The following CDH13 variants were observed in gnomAD, a reference collection of about 807,000 sequenced individuals.
CDH13 encodes cadherin 13, also known as cadherin-13.
In CDH13, 24 loss-of-function variants were observed where a neutral mutation model predicts 63.8. The observed-to-expected ratio is 0.38, with a 90% CI of 0.27 to 0.53. CDH13 has a LOEUF of 0.53. Ranked by LOEUF, CDH13 falls within the 20% of genes least tolerant of loss-of-function variation. The probability of loss-of-function intolerance (pLI) is 0.85; values close to 1 mark genes in which losing one functional copy is unlikely to be tolerated. For missense variants in CDH13, 1,049 were observed against 903.1 expected (o/e 1.16, Z -2.07); for synonymous variants, 503 against 355.3 (o/e 1.42, Z -4.67).
intron 7 of CDH13, among the ~76,000 whole-genome samples, chr16:83,561,071 A>T (rs556129476): frequency 6.6e-6 from 1 of 152,106 alleles, no homozygotes; most frequent in Non-Finnish European, 1.5e-5. Flanking sequence ...GTGACTCCCA[A>T]ACCAATAAAC....
intron 2 of CDH13, among the ~76,000 whole-genome samples, chr16:82,981,396 C>A (rs8052304): frequency 6.4e-4 from 97 of 152,238 alleles, no homozygotes; most frequent in African/African-American, 2.2e-3. Flanking sequence ...CTCTCCTTGA[C>A]CCCCTCCTTG....
chr16:82,870,774 C>T (rs2325690), intron 2 of CDH13, among the ~76,000 whole-genome samples: 109,899 of 152,080 alleles, frequency 0.72, 39,922 homozygotes, highest in East Asian at 0.88. Flanking sequence ...CTATTATGTA[C>T]CCATAAAAAT....
At chr16:82,968,381 G>C (rs1047589975) in intron 2 of CDH13, among the ~76,000 whole-genome samples, 1 of 152,162 alleles carries the variant, frequency 6.6e-6, no homozygotes, top group Admixed American at 6.5e-5. Flanking sequence ...TCCAGTTACT[G>C]TCTGTTTTTG....
chr16:83,155,617 T>C lies in CDH13; in HGVS notation c.483+30116T>C, dbSNP rs150558707. Among the ~76,000 whole-genome samples, 754 of 152,270 alleles carry C rather than the reference T, an allele frequency of 5.0e-3. 7 individuals are homozygous for C. The highest frequency in any genetic ancestry group is 7.4e-3 in the Non-Finnish European group (504 of 68,022). ...GTGCATGTTAGGCAACTCTAGTCCT[T>C]ACAACTTAAAAACTTTAAAATGGAT... On this transcript the variant is annotated intron_variant, in intron 4 of 13. Transcript: ENST00000567109.
intron 1 of CDH13, among the ~76,000 whole-genome samples, chr16:82,827,940 G>A (rs1279096533): frequency 6.6e-6 from 1 of 152,162 alleles, no homozygotes; most frequent in Non-Finnish European, 1.5e-5. Flanking sequence ...AGTAGGAGTA[G>A]AGTATCCAGT....
At chr16:83,019,139 T>C (rs1915096408) in intron 2 of CDH13, among the ~76,000 whole-genome samples, 5 of 152,264 alleles carry the variant, frequency 3.3e-5, no homozygotes, top group Admixed American at 3.3e-4. Flanking sequence ...TTTAATTTTT[T>C]AACTTTTTGG....
rs144192418 is a variant in CDH13, at chr16:83,335,569, C to T, written c.637-9293C>T. ...ATATTGTCTTATGCCCAATTTCTGC[C>T]TCCAAAGAAGGAAAAAGTAAAAACT... On this transcript the variant is annotated intron_variant, in intron 5 of 13. Coordinates refer to ENST00000567109, the MANE Select transcript of CDH13 (RefSeq NM_001257.5). 6.6e-5 allele frequency among the ~76,000 whole-genome samples: 10 copies of T among 152,164 alleles called. No individual in the cohort carries two copies. The East Asian group carries it at 1.7e-3, about 27-fold the overall frequency.
chr16:82,708,534 A>G (rs980600944), intron 1 of CDH13, among the ~76,000 whole-genome samples: 2 of 152,128 alleles, frequency 1.3e-5, no homozygotes, highest in Non-Finnish European at 2.9e-5. Context: ...CTGATGTCCT[A>G]TCTTGGATCT....
At chr16:83,527,621 G>A (rs2074994542) in intron 7 of CDH13, among the ~76,000 whole-genome samples, 1 of 152,194 alleles carries the variant, frequency 6.6e-6, no homozygotes, top group Non-Finnish European at 1.5e-5. Context: ...AGGGCAACCT[G>A]AGTCTGCTTT....
At chr16:82,879,920 A>G (rs11150511) in intron 2 of CDH13, among the ~76,000 whole-genome samples, 37,608 of 144,252 alleles carry the variant, frequency 0.26, 6,368 homozygotes, top group East Asian at 0.82. Flanking sequence ...ATATTTAGAT[A>G]TTATAGAAAT....
chr16:83,481,911 T>G (rs1417593194), intron 6 of CDH13, among the ~76,000 whole-genome samples: 1 of 152,110 alleles, frequency 6.6e-6, no homozygotes, highest in Non-Finnish European at 1.5e-5. Context: ...AACAAAGTGG[T>G]GGACATGGAG....
chr16:83,410,075 T>A (rs192171627), intron 6 of CDH13, among the ~76,000 whole-genome samples: 517 of 152,256 alleles, frequency 3.4e-3, no homozygotes, highest in African/African-American at 0.012. Flanking sequence ...AGAGTTCGGG[T>A]CCCTGAGAGT....
At chr16:83,566,261 T>C (rs1904279729) in intron 7 of CDH13, among the ~76,000 whole-genome samples, 1 of 152,188 alleles carries the variant, frequency 6.6e-6, no homozygotes, top group African/African-American at 2.4e-5. Flanking sequence ...ACCCACCATT[T>C]GCTGGGAAGG....
Position 82,950,807 on chromosome 16 carries a change from C to CTTT in CDH13, c.158-81187_158-81185dup, listed in dbSNP as rs67534843. 1.2e-3 allele frequency among the ~76,000 whole-genome samples: 152 copies of CTTT among 132,110 alleles called. 2 individuals carry two copies. Among genetic ancestry groups the CTTT allele is most frequent in the African/African-American group, 3.1e-3 (110 of 35,694 alleles). The allele number at this position is 132,110 out of a possible 152,430, so 86.7% of individuals were successfully genotyped here. On this transcript the variant is annotated intron_variant, in intron 2 of 13. Coordinates refer to ENST00000567109, the MANE Select transcript of CDH13 (RefSeq NM_001257.5). ...TCACTGAGAGTTAGAACTCCCACAT[C>CTTT]TTTTTTTTTTTTTTTTTTGGTGGTG...
At chr16:83,074,723 C>T (rs990399619) in intron 3 of CDH13, among the ~76,000 whole-genome samples, 1 of 152,192 alleles carries the variant, frequency 6.6e-6, no homozygotes, top group African/African-American at 2.4e-5. Flanking sequence ...TCATAGCCAT[C>T]GTCTCACACA....
chr16:83,763,699 A>G (rs1315262862), intron 11 of CDH13, among the ~76,000 whole-genome samples: 2 of 152,184 alleles, frequency 1.3e-5, no homozygotes, highest in Non-Finnish European at 2.9e-5. Context: ...CAGCTGTGAT[A>G]TTAATTGAGG....
chr16:83,041,082 A>G (rs1917292409), intron 3 of CDH13, among the ~76,000 whole-genome samples: 1 of 152,138 alleles, frequency 6.6e-6, no homozygotes, highest in African/African-American at 2.4e-5. Flanking sequence ...ACTCCAAAAG[A>G]CCTGGCAGTA....
At chr16:83,308,548 A>G (rs1164227378) in intron 5 of CDH13, among the ~76,000 whole-genome samples, 1 of 152,198 alleles carries the variant, frequency 6.6e-6, no homozygotes, top group Non-Finnish European at 1.5e-5. Context: ...AACACACTAG[A>G]GATTACAAAG....
At chr16:83,362,024 C>T (rs1030569368) in intron 6 of CDH13, among the ~76,000 whole-genome samples, 1 of 152,128 alleles carries the variant, frequency 6.6e-6, no homozygotes, top group African/African-American at 2.4e-5. Context: ...AGTATCTCAT[C>T]TGTTTTTGTG....
Sources: gnomAD v4.1 joint callset for allele counts (sites outside exome capture counted in the v4.1 genomes callset) on GRCh38, gnomAD v4.1.1 for gene constraint, MANE v1.5 for transcripts, NCBI Gene and HGNC (gene_info 2026-07-23, HGNC 2026-07-21) for gene names.